The following NXPE4 variants were observed in gnomAD, a reference collection of about 807,000 sequenced individuals.
NXPE4 encodes neurexophilin and PC-esterase domain family member 4.
In NXPE4, 42 loss-of-function variants were observed where a neutral mutation model predicts 33.3. The ratio of observed to expected loss-of-function variants is 1.26; its 90% CI spans 0.98 to 1.63. NXPE4 has a LOEUF of 1.63. NXPE4 is among the 40% of genes most tolerant of loss of function. The pLI, the probability that NXPE4 is intolerant of heterozygous loss-of-function variation, is 0.00. For synonymous variants in NXPE4, 253 were observed against 234.9 expected (o/e 1.08, Z -0.71); for missense variants, 709 against 647.6 (o/e 1.09, Z -1.03).
intron 5 of NXPE4, among the ~76,000 whole-genome samples, chr11:114,579,431 A>G (rs1045036452): frequency 3.9e-5 from 6 of 152,204 alleles, no homozygotes; most frequent in Non-Finnish European, 5.9e-5. Context: ...AACACCAGGC[A>G]GGGAAAATAA....
the NXPE4 span, among the ~76,000 whole-genome samples, chr11:114,632,085 A>G: frequency 0.013 from 1,813 of 144,538 alleles, 38 homozygotes; most frequent in African/African-American, 0.043. Context: ...TAATATTATT[A>G]TATTGTAAAT....
upstream of NXPE4, among the ~76,000 whole-genome samples, chr11:114,598,365 G>A (rs1184368185): frequency 7.3e-6 from 1 of 136,240 alleles, no homozygotes; most frequent in East Asian, 2.1e-4. Context: ...GGGTCTGGAG[G>A]ATGGTGGCCC....
chr11:114,609,709 C>G, the NXPE4 span, among the ~76,000 whole-genome samples: 5 of 150,834 alleles, frequency 3.3e-5, no homozygotes, highest in Non-Finnish European at 7.4e-5. Flanking sequence ...CACTGTTACC[C>G]GGTGGATAAT....
chr11:114,581,624 G>A (rs78775463), intron 4 of NXPE4, 101 bp downstream of exon 4: 1 of 921,694 alleles, frequency 1.1e-6, no homozygotes, highest in Non-Finnish European at 1.7e-6. Flanking sequence ...GATGAACAGA[G>A]TGCTGATAGG....
At chr11:114,604,413 T>C in the NXPE4 span, among the ~76,000 whole-genome samples, 11 of 151,926 alleles carry the variant, frequency 7.2e-5, no homozygotes, top group African/African-American at 2.4e-4. Flanking sequence ...ATAGTAAGTA[T>C]TGCCTCGTGG....
the NXPE4 span, among the ~76,000 whole-genome samples, chr11:114,623,121 C>A: frequency 3.3e-5 from 5 of 152,090 alleles, no homozygotes; most frequent in African/African-American, 1.2e-4. Context: ...GCACTGTTAC[C>A]CGGTGGATAA....
At chr11:114,624,913 C>T in the NXPE4 span, among the ~76,000 whole-genome samples, 1 of 152,154 alleles carries the variant, frequency 6.6e-6, no homozygotes, top group Non-Finnish European at 1.5e-5. Context: ...TCATGGGTAA[C>T]CACTGTTACC....
chr11:114,644,002 G>A, the NXPE4 span, among the ~76,000 whole-genome samples: 1 of 151,992 alleles, frequency 6.6e-6, no homozygotes, highest in African/African-American at 2.4e-5. Flanking sequence ...TGTATTGCTA[G>A]GCATTTTATT....
the NXPE4 span, among the ~76,000 whole-genome samples, chr11:114,671,860 A>G: frequency 1.3e-5 from 2 of 152,016 alleles, no homozygotes; most frequent in African/African-American, 4.8e-5. Context: ...AGACACACAC[A>G]CTATATTAGT....
At chr11:114,635,692 C>A in the NXPE4 span, among the ~76,000 whole-genome samples, 1 of 151,842 alleles carries the variant, frequency 6.6e-6, no homozygotes, top group Non-Finnish European at 1.5e-5. Context: ...TGAATTTTGT[C>A]AAAGGCCTTT....
chr11:114,610,807 G>A, the NXPE4 span, among the ~76,000 whole-genome samples: 1 of 151,912 alleles, frequency 6.6e-6, no homozygotes, highest in Non-Finnish European at 1.5e-5. Flanking sequence ...ATTGCCTCTA[G>A]GGTTATCACT....
At chr11:114,594,002 G>A (rs1306445790) in intron 2 of NXPE4, among the ~76,000 whole-genome samples, 1 of 152,134 alleles carries the variant, frequency 6.6e-6, no homozygotes, top group Non-Finnish European at 1.5e-5. Flanking sequence ...TTAGAGAGTA[G>A]AATGATGGCT....
the NXPE4 span, among the ~76,000 whole-genome samples, chr11:114,675,567 A>G: frequency 6.6e-6 from 1 of 151,922 alleles, no homozygotes; most frequent in Non-Finnish European, 1.5e-5. Context: ...AGCATAAAAA[A>G]AACCCTTAGG....
chr11:114,659,996 T>A, the NXPE4 span, among the ~76,000 whole-genome samples: 1 of 152,088 alleles, frequency 6.6e-6, no homozygotes, highest in African/African-American at 2.4e-5. Context: ...GACATTAGAC[T>A]GATAAGGGAA....
At chr11:114,629,698 G>T in the NXPE4 span, among the ~76,000 whole-genome samples, 11 of 151,958 alleles carry the variant, frequency 7.2e-5, no homozygotes, top group African/African-American at 2.2e-4. Context: ...AGGGAATAAA[G>T]GGTATTCAAT....
the NXPE4 span, among the ~76,000 whole-genome samples, chr11:114,655,521 C>A: frequency 6.6e-6 from 1 of 152,078 alleles, no homozygotes; most frequent in East Asian, 1.9e-4. Flanking sequence ...AGGAAAGGGT[C>A]CAGTTTCAGT....
Position 114,583,034 on chromosome 11 carries a change from C to T in NXPE4, c.97-13G>A. On this transcript the variant is annotated splice_polypyrimidine_tract_variant and intron_variant, in intron 2 of 5. Transcript: ENST00000375478. ...GAGCAGACCAAACCTGAAATGACAGCAAATGTGACATGAGATGGATAAATT... is the reference window on the plus strand; with the variant it reads ...GAGCAGACCAAACCTGAAATGACAGTAAATGTGACATGAGATGGATAAATT... 1 of 1,594,458 alleles carries T rather than the reference C, an allele frequency of 6.3e-7. No homozygotes were observed. Among genetic ancestry groups the T allele is most frequent in the South Asian group, 1.1e-5 (1 of 88,612 alleles).
the NXPE4 span, among the ~76,000 whole-genome samples, chr11:114,640,114 TTA>T: frequency 9.3e-3 from 1,182 of 126,688 alleles, 16 homozygotes; most frequent in Non-Finnish European, 0.014. Context: ...ATATATTGTA[TTA>T]TGTTATATGT....
chr11:114,660,762 A>T, the NXPE4 span, among the ~76,000 whole-genome samples: 2 of 152,126 alleles, frequency 1.3e-5, no homozygotes, highest in Non-Finnish European at 2.9e-5. Context: ...TTAGAAAGAA[A>T]TAAAATAAAA....
Sources: allele counts gnomAD v4.1 joint callset (sites outside exome capture counted in the v4.1 genomes callset), GRCh38; gene constraint gnomAD v4.1.1; transcripts MANE v1.5; gene names NCBI Gene and HGNC (gene_info 2026-07-23, HGNC 2026-07-21).